The following SLC4A5 variants were observed in gnomAD, a reference collection of about 807,000 sequenced individuals.
SLC4A5 encodes electrogenic sodium bicarbonate cotransporter 4.
In SLC4A5, 96 loss-of-function variants were observed where a neutral mutation model predicts 120.4. That is an observed-to-expected ratio of 0.80 (90% CI 0.68 to 0.94). SLC4A5 has a LOEUF of 0.94. Among genes scored for constraint, SLC4A5 ranks in the 40% least tolerant of loss-of-function variants. The probability of loss-of-function intolerance (pLI) is 0.00; values close to 1 mark genes in which losing one functional copy is unlikely to be tolerated. For synonymous variants in SLC4A5, 550 were observed against 571.1 expected (o/e 0.96, Z 0.53); for missense variants, 1,259 against 1,459.5 (o/e 0.86, Z 2.24).
chr2:74,341,621 C>G (rs1309164158), intron 2 of SLC4A5, among the ~76,000 whole-genome samples: 1 of 152,296 alleles, frequency 6.6e-6, no homozygotes, highest in Non-Finnish European at 1.5e-5. Flanking sequence ...CATCAGGCAG[C>G]CCATGCCATT....
intron 5 of SLC4A5, chr2:74,319,614 T>C (rs2104311380): frequency 6.6e-6 from 1 of 152,332 alleles, no homozygotes; most frequent in East Asian, 1.9e-4. Flanking sequence ...TTTGGCCTAG[T>C]TAAAACTTCC....
chr2:74,271,396 G>A (rs1671470690), intron 8 of SLC4A5, among the ~76,000 whole-genome samples: 1 of 152,100 alleles, frequency 6.6e-6, no homozygotes, highest in Non-Finnish European at 1.5e-5. Flanking sequence ...TCATGTCTCA[G>A]TCATATCCTA....
At chr2:74,297,365 G>A (rs970952777) in intron 7 of SLC4A5, among the ~76,000 whole-genome samples, 6 of 152,158 alleles carry the variant, frequency 3.9e-5, no homozygotes, top group African/African-American at 9.7e-5. Flanking sequence ...GCCTAGGACC[G>A]ATCTGGTTTT....
At chr2:74,296,616 C>CAAAAAAAAAAA (rs1160532512) in intron 7 of SLC4A5, among the ~76,000 whole-genome samples, 3 of 47,440 alleles carry the variant, frequency 6.3e-5, no homozygotes, top group African/African-American at 1.5e-4. Context: ...ACTAAAAATA[C>CAAAAAAAAAAA]AAAAAAAAAA....
intron 27 of SLC4A5, among the ~76,000 whole-genome samples, chr2:74,225,366 T>C (rs1694807018): frequency 6.6e-6 from 1 of 151,954 alleles, no homozygotes; most frequent in African/African-American, 2.4e-5. Context: ...GAGGCCGAGG[T>C]GGGCAGATCG....
At chr2:74,314,972 G>C in exon 6 of SLC4A5, 1 of 1,613,882 alleles carries the variant, frequency 6.2e-7, no homozygotes, top group Non-Finnish European at 8.5e-7. Context: ...CTCCTCCTGT[G>C]GTTAGTGTGG....
intron 4 of SLC4A5, among the ~76,000 whole-genome samples, chr2:74,328,644 G>T (rs1490253154): frequency 3.3e-5 from 5 of 152,138 alleles, no homozygotes; most frequent in Non-Finnish European, 7.3e-5. Flanking sequence ...GCATTTCCAG[G>T]AACCTACAGA....
At chr2:74,227,040 G>T in exon 27 of SLC4A5, 2 of 1,614,208 alleles carry the variant, frequency 1.2e-6, no homozygotes, top group Non-Finnish European at 1.7e-6. Context: ...AGGGTGAAGA[G>T]GTGGATCCGG....
chr2:74,246,344 T>A (rs567808308), intron 19 of SLC4A5, among the ~76,000 whole-genome samples: 1 of 152,134 alleles, frequency 6.6e-6, no homozygotes. Flanking sequence ...CGCCCACCAT[T>A]GTAGGTTCTT....
chr2:74,253,603 A>G (rs1670864024), intron 14 of SLC4A5, among the ~76,000 whole-genome samples: 1 of 152,014 alleles, frequency 6.6e-6, no homozygotes, highest in Non-Finnish European at 1.5e-5. Context: ...TTTCCCATTT[A>G]GGCAAAAAAA....
At chr2:74,274,397 G>A (rs1276204173) in intron 8 of SLC4A5, among the ~76,000 whole-genome samples, 1 of 149,540 alleles carries the variant, frequency 6.7e-6, no homozygotes, top group Middle Eastern at 3.4e-3. Context: ...ATGAAAATAT[G>A]TATGTGAGAT....
chr2:74,256,168 A>T (rs1322622477), intron 12 of SLC4A5, among the ~76,000 whole-genome samples: 1 of 152,244 alleles, frequency 6.6e-6, no homozygotes, highest in Non-Finnish European at 1.5e-5. Context: ...ACTTTCCTTG[A>T]CTAAGACATT....
At chr2:74,301,594 A>C (rs1297267364) in intron 7 of SLC4A5, among the ~76,000 whole-genome samples, 1 of 152,266 alleles carries the variant, frequency 6.6e-6, no homozygotes, top group African/African-American at 2.4e-5. Flanking sequence ...GAGAAGTGGG[A>C]GATTCAGACA....
At chr2:74,299,407 C>T (rs190150026) in intron 7 of SLC4A5, among the ~76,000 whole-genome samples, 50 of 152,284 alleles carry the variant, frequency 3.3e-4, no homozygotes, top group South Asian at 4.2e-4. Context: ...AGTTCCCCTG[C>T]ACATTCTCTC....
rs138988060 is a variant in SLC4A5 at position 74,340,339 on chromosome 2, C to G, written c.-269-1436G>C. Among the ~76,000 whole-genome samples, 220 of 152,278 alleles carry G rather than the reference C, an allele frequency of 1.4e-3. 1 individual carries two copies. Among genetic ancestry groups the G allele is most frequent in the African/African-American group, 5.0e-3 (206 of 41,560 alleles). On this transcript the variant is annotated intron_variant, in intron 2 of 30. Coordinates refer to ENST00000394019, the Ensembl canonical transcript of SLC4A5. ...CAAAAAACAGTCCTATCCAAAAAAG[C>G]ACTTTTGTTCTCCAAATTCTGGCAT...
exon 18 of SLC4A5, chr2:74,248,409 A>G: frequency 6.2e-7 from 1 of 1,614,146 alleles, no homozygotes; most frequent in East Asian, 2.2e-5. Flanking sequence ...TGCTGCTGAG[A>G]ATGATGAGAG....
chr2:74,246,639 C>G (rs1339226421), intron 19 of SLC4A5, among the ~76,000 whole-genome samples: 1 of 152,220 alleles, frequency 6.6e-6, no homozygotes, highest in Non-Finnish European at 1.5e-5. Context: ...ACGGGCAGCT[C>G]TGTCTTGGGG....
chr2:74,219,230 T>TGTGTGTGTG (rs1694546106), intron 30 of SLC4A5, among the ~76,000 whole-genome samples: 1 of 147,148 alleles, frequency 6.8e-6, no homozygotes, highest in Non-Finnish European at 1.5e-5. Flanking sequence ...TTTGTGTGTG[T>TGTGTGTGTG]TTTCAAATGG....
chr2:74,243,729 C>A (rs1353584742), intron 19 of SLC4A5, among the ~76,000 whole-genome samples: 1 of 152,116 alleles, frequency 6.6e-6, no homozygotes, highest in East Asian at 1.9e-4. Flanking sequence ...CTTATCAATT[C>A]TTTTATATCG....
Sources: gnomAD v4.1 joint callset for allele counts (sites outside exome capture counted in the v4.1 genomes callset) on GRCh38, gnomAD v4.1.1 for gene constraint, MANE v1.5 for transcripts, NCBI Gene and HGNC (gene_info 2026-07-23, HGNC 2026-07-21) for gene names.